The following ITGAM variants were observed in gnomAD, a reference collection of about 807,000 sequenced individuals.
The protein encoded by ITGAM is integrin alpha-M.
A neutral mutation model predicts 137.5 loss-of-function variants in ITGAM; 79 were observed. The ratio of observed to expected loss-of-function variants is 0.57; its 90% CI spans 0.48 to 0.69. The LOEUF (loss-of-function observed/expected upper bound fraction) is 0.69, where lower values mean the gene tolerates loss of function less well. Among genes scored for constraint, ITGAM ranks in the 30% least tolerant of loss-of-function variants. The pLI, the probability that ITGAM is intolerant of heterozygous loss-of-function variation, is 0.00. For synonymous variants in ITGAM, 583 were observed against 592.3 expected, an observed-to-expected ratio of 0.98 and a Z score of 0.23; for missense variants, 1,343 against 1,483.5, an observed-to-expected ratio of 0.91 and a Z score of 1.56.
At chr16:31,306,732 G>A (rs1172974425) in intron 14 of ITGAM, among the ~76,000 whole-genome samples, 1 of 151,942 alleles carries the variant, frequency 6.6e-6, no homozygotes, top group Non-Finnish European at 1.5e-5. Context: ...GTCTGGTCTC[G>A]AACTACTGAC....
chr16:31,261,560 C>T, intron 1 of ITGAM, 132 bp from the exon 2 acceptor site: 1 of 504,700 alleles, frequency 2.0e-6, no homozygotes, highest in Non-Finnish European at 3.6e-6. Context: ...CTCTGTTGCT[C>T]AGGCTGGAGT....
At position 31,329,851 on chromosome 16, in the gene ITGAM, C is replaced by T. The variant is rs373816008; in HGVS notation, c.2922C>T (p.Pro974=). Residue 974 remains proline (P), a synonymous_variant, in exon 25 of 30, where the codon CCC becomes CCT. Transcript: ENST00000544665. ...CCATCAGCCTGGTGTTCTTGGTGCCCGTCCGGCTGAACCAGACTGTCATAT... is the reference window on the plus strand; with the variant it reads ...CCATCAGCCTGGTGTTCTTGGTGCCTGTCCGGCTGAACCAGACTGTCATAT... ...SLPISLVFLV[P]VRLNQTVIWD... The T allele has an allele frequency of 7.7e-6, 12 of 1,564,512 alleles. No individual in the cohort carries two copies. The African/African-American group carries it at 9.5e-5, about 12-fold the overall frequency.
At chr16:31,263,967 C>T (rs1410763273) in intron 2 of ITGAM, among the ~76,000 whole-genome samples, 2 of 151,768 alleles carry the variant, frequency 1.3e-5, no homozygotes, top group Non-Finnish European at 2.9e-5. Context: ...TCCCGAGTAG[C>T]TGGGACTACA....
At chr16:31,328,369 T>G in intron 23 of ITGAM, 139 bp downstream of exon 23, 2 of 696,674 alleles carry the variant, frequency 2.9e-6, no homozygotes, top group Non-Finnish European at 5.1e-6. Context: ...TGCATGGGTG[T>G]GTATTTGGGC....
chr16:31,302,819 G>C (rs1177016145), intron 14 of ITGAM, among the ~76,000 whole-genome samples: 3 of 151,496 alleles, frequency 2.0e-5, no homozygotes, highest in Non-Finnish European at 4.4e-5. Flanking sequence ...ACAGGCGTGA[G>C]CCACCGCGCC....
intron 12 of ITGAM, among the ~76,000 whole-genome samples, chr16:31,289,276 A>C (rs2080061451): frequency 6.6e-6 from 1 of 152,206 alleles, no homozygotes; most frequent in South Asian, 2.1e-4. Context: ...AATGACTATA[A>C]ATCATGCTGC....
At position 31,265,447 on chromosome 16, in the gene ITGAM, C is replaced by T. The variant is rs1403286771; in HGVS notation, c.187C>T (p.Leu63Phe). Residue 63 changes from leucine to phenylalanine, a missense_variant, in exon 3 of 30, where the codon CTC becomes TTC. By Grantham distance (22) the Leu-to-Phe change is conservative (BLOSUM62 0). Coordinates refer to ENST00000544665, the MANE Select transcript of ITGAM (RefSeq NM_000632.4). The part of the protein sequence containing the change: ...EIVAANQRGS[L>F]YQCDYSTGSC... ...AGTGGCTGCCAACCAAAGGGGCAGC[C>T]TCTACCAGTGCGACTACAGCACAGG... 1 of 1,608,174 alleles carries T rather than the reference C, an allele frequency of 6.2e-7. No homozygotes were observed. The highest frequency in any genetic ancestry group is 8.5e-7 in the Non-Finnish European group (1 of 1,177,706).
chr16:31,271,573 A>G (rs9925052), intron 6 of ITGAM, among the ~76,000 whole-genome samples: 6,560 of 152,176 alleles, frequency 0.043, 469 homozygotes, highest in African/African-American at 0.15. Flanking sequence ...GGCTGGTCTC[A>G]AACTCCTGAC....
intron 14 of ITGAM, 103 bp from the exon 15 acceptor site, chr16:31,321,138 T>C (rs1161110881): frequency 2.4e-5 from 31 of 1,300,276 alleles, no homozygotes; most frequent in Non-Finnish European, 3.0e-5. Context: ...GAGACTTGAG[T>C]AGAGCTTAGA....
chr16:31,328,392 G>A (rs1211891130), intron 23 of ITGAM, among the ~76,000 whole-genome samples, 162 bp downstream of exon 23: 4 of 151,368 alleles, frequency 2.6e-5, no homozygotes, highest in Non-Finnish European at 2.9e-5. Context: ...GGGTGTGTGA[G>A]TGTGATGATC....
chr16:31,273,218 C>T, intron 7 of ITGAM, 147 bp from the exon 8 acceptor site: 1 of 627,594 alleles, frequency 1.6e-6, no homozygotes, highest in Non-Finnish European at 2.7e-6. Flanking sequence ...ATCACTTGAG[C>T]CCAGGAGTTC....
intron 14 of ITGAM, among the ~76,000 whole-genome samples, chr16:31,304,222 G>A (rs2080243825): frequency 6.6e-6 from 1 of 152,072 alleles, no homozygotes; most frequent in Admixed American, 6.6e-5. Context: ...TAGTGATGTT[G>A]AGCATTTTTT....
In ITGAM at chr16:31,324,229, G is replaced by GA. The variant is rs1450156979; in HGVS notation, c.2003-167dup. Among the ~76,000 whole-genome samples, 1 of 151,608 alleles carries GA rather than the reference G, an allele frequency of 6.6e-6. No homozygotes were observed. Among genetic ancestry groups the GA allele is most frequent in the East Asian group, 1.9e-4 (1 of 5,144 alleles). On this transcript the variant is annotated intron_variant, in intron 16 of 29. Coordinates refer to ENST00000544665, the MANE Select transcript of ITGAM (RefSeq NM_000632.4). The surrounding 1 kb of genome is among the most constrained non-coding windows in gnomAD (Gnocchi z 4.5). ...GAAGGAAAGGGAGGAAGAGAGCGAG[G>GA]AAAGAAAGAAAGAAAGAAAAAGGAA...
chr16:31,328,930 G>A, intron 23 of ITGAM: 2 of 513,078 alleles, frequency 3.9e-6, no homozygotes, highest in Admixed American at 6.8e-5. Flanking sequence ...CTATGTGCAT[G>A]TATGTGTGCA....
At chr16:31,315,520 C>T (rs866911329) in intron 14 of ITGAM, among the ~76,000 whole-genome samples, 13 of 151,990 alleles carry the variant, frequency 8.6e-5, no homozygotes, top group Non-Finnish European at 1.3e-4. Flanking sequence ...TGCAGTGGCA[C>T]GATCTCAGCT....
intron 24 of ITGAM, 84 bp from the exon 25 acceptor site, chr16:31,329,714 C>T: frequency 8.4e-7 from 1 of 1,191,650 alleles, no homozygotes; most frequent in South Asian, 1.4e-5. Flanking sequence ...GGGCCTATGG[C>T]CTGCCCCGTG....
At chr16:31,288,608 C>T (rs572372953) in intron 12 of ITGAM, among the ~76,000 whole-genome samples, 2 of 151,962 alleles carry the variant, frequency 1.3e-5, no homozygotes, top group Admixed American at 1.3e-4. Context: ...AAAATTAATT[C>T]AAGATGGATT....
At chr16:31,326,144 C>T (rs376900371) in intron 21 of ITGAM, among the ~76,000 whole-genome samples, 7 of 152,082 alleles carry the variant, frequency 4.6e-5, no homozygotes, top group Admixed American at 1.3e-4. Flanking sequence ...GTCTTGCATC[C>T]GTCATCATGA....
intron 3 of ITGAM, 114 bp downstream of exon 3, chr16:31,265,612 G>C (rs960388566): frequency 1.3e-6 from 1 of 791,128 alleles, no homozygotes; most frequent in Non-Finnish European, 2.0e-6. Context: ...GCCTGCCTCC[G>C]TACCCTCTCC....
Sources: gnomAD v4.1 joint callset for allele counts (sites outside exome capture counted in the v4.1 genomes callset) on GRCh38, gnomAD v4.1.1 for gene constraint, Gnocchi (gnomAD v3.1) non-coding constraint, MANE v1.5 for transcripts, NCBI Gene and HGNC (gene_info 2026-07-23, HGNC 2026-07-21) for gene names.